Variants in ATOSA observed in about 807,000 individuals in gnomAD.
ATOSA encodes atos homolog protein A.
At chr15:52,581,886 A>C in the ATOSA span, 3 of 310,024 alleles carry the variant, frequency 9.7e-6, no homozygotes, top group Non-Finnish European at 1.8e-5. Context: ...AACTGAGAAA[A>C]TGTGTAAACA....
chr15:52,609,669 A>G, the ATOSA span: 1 of 1,613,612 alleles, frequency 6.2e-7, no homozygotes. Context: ...CCACGTTCTC[A>G]TTTTCTTGTG....
chr15:52,645,710 A>G, the ATOSA span, among the ~76,000 whole-genome samples: 1 of 152,222 alleles, frequency 6.6e-6, no homozygotes, highest in Non-Finnish European at 1.5e-5. Context: ...ACAATTCATC[A>G]TAGTCTCAGG....
At chr15:52,707,223 G>A in the ATOSA span, among the ~76,000 whole-genome samples, 21 of 152,178 alleles carry the variant, frequency 1.4e-4, no homozygotes, top group Non-Finnish European at 2.5e-4. Flanking sequence ...TGTTTGATGC[G>A]GAGCAGGGTA....
chr15:52,677,866 T>C, the ATOSA span: 1 of 1,230,476 alleles, frequency 8.1e-7, no homozygotes, highest in Admixed American at 1.9e-5. Context: ...CCTCACCAGC[T>C]GGAATCTGTC....
At chr15:52,658,394 T>G in the ATOSA span, 1 of 191,692 alleles carries the variant, frequency 5.2e-6, no homozygotes, top group Non-Finnish European at 1.1e-5. Flanking sequence ...TCAACCTTTC[T>G]GTCAAGAGCT....
the ATOSA span, chr15:52,613,532 A>G: frequency 7.1e-6 from 7 of 991,524 alleles, no homozygotes; most frequent in Non-Finnish European, 8.7e-6. Context: ...GCTATGGTCC[A>G]GGATTTGGAT....
the ATOSA span, among the ~76,000 whole-genome samples, chr15:52,592,754 T>C: frequency 1.3e-5 from 2 of 152,236 alleles, no homozygotes; most frequent in African/African-American, 2.4e-5. Context: ...CTGGGTTGCA[T>C]GTGGGCTGTA....
At chr15:52,621,557 C>A in the ATOSA span, among the ~76,000 whole-genome samples, 17 of 152,324 alleles carry the variant, frequency 1.1e-4, no homozygotes, top group African/African-American at 3.8e-4. Flanking sequence ...ATGGGAGGGT[C>A]CCAGTGGGAG....
chr15:52,669,512 T>C, the ATOSA span, among the ~76,000 whole-genome samples: 1 of 152,206 alleles, frequency 6.6e-6, no homozygotes, highest in South Asian at 2.1e-4. Context: ...AGAAAATTGC[T>C]AATTTGATGA....
At chr15:52,615,463 C>A in the ATOSA span, among the ~76,000 whole-genome samples, 1 of 152,238 alleles carries the variant, frequency 6.6e-6, no homozygotes, top group East Asian at 1.9e-4. Context: ...TAGGAGGACA[C>A]AGAGTCGTAT....
At chr15:52,658,817 A>AG in the ATOSA span, 1 of 393,366 alleles carries the variant, frequency 2.5e-6, no homozygotes, top group South Asian at 1.3e-4. Flanking sequence ...AAAAAAAAAA[A>AG]AAAAAAAAAA....
At chr15:52,671,402 T>C in the ATOSA span, among the ~76,000 whole-genome samples, 1 of 152,182 alleles carries the variant, frequency 6.6e-6, no homozygotes, top group Non-Finnish European at 1.5e-5. Flanking sequence ...CCTATTCCTA[T>C]CTGCTCCACA....
chr15:52,655,518 ATGTGGGTTCTGGCCC>A, the ATOSA span, among the ~76,000 whole-genome samples: 1 of 152,154 alleles, frequency 6.6e-6, no homozygotes, highest in African/African-American at 2.4e-5. Context: ...GGGACCATCG[ATGTGGGTTCTGGCCC>A]AAATCCTAGC....
At chr15:52,649,988 T>C in the ATOSA span, 3 of 152,150 alleles carry the variant, frequency 2.0e-5, no homozygotes, top group South Asian at 2.1e-4. Context: ...GAATGAGAAA[T>C]AGCCTTTCTC....
the ATOSA span, among the ~76,000 whole-genome samples, chr15:52,639,858 C>T: frequency 6.6e-6 from 1 of 152,028 alleles, no homozygotes; most frequent in African/African-American, 2.4e-5. Flanking sequence ...TCAAGTGGTT[C>T]TCCTGCCTCA....
At chr15:52,702,498 A>AC in the ATOSA span, among the ~76,000 whole-genome samples, 1 of 152,318 alleles carries the variant, frequency 6.6e-6, no homozygotes, top group African/African-American at 2.4e-5. Context: ...TAAGTAAATA[A>AC]TTGCAGGAAC....
the ATOSA span, among the ~76,000 whole-genome samples, chr15:52,640,863 A>G: frequency 2.6e-5 from 4 of 152,096 alleles, no homozygotes; most frequent in Non-Finnish European, 5.9e-5. Context: ...ATCAAATAGT[A>G]TATCTATTAT....
the ATOSA span, among the ~76,000 whole-genome samples, chr15:52,665,062 GTA>G: frequency 6.6e-6 from 1 of 152,176 alleles, no homozygotes; most frequent in African/African-American, 2.4e-5. Flanking sequence ...TAAACACTGA[GTA>G]TACATGGACA....
the ATOSA span, among the ~76,000 whole-genome samples, chr15:52,670,220 G>A: frequency 3.3e-5 from 5 of 152,134 alleles, no homozygotes; most frequent in African/African-American, 1.2e-4. Flanking sequence ...TTTTCAAAAC[G>A]GAGTTCTGAA....
Sources: gnomAD v4.1 joint callset for allele counts (sites outside exome capture counted in the v4.1 genomes callset) on GRCh38, gnomAD v4.1.1 for gene constraint, MANE v1.5 for transcripts, NCBI Gene and HGNC (gene_info 2026-07-23, HGNC 2026-07-21) for gene names.